KIF13A: variants seen among roughly 807,000 people sequenced by gnomAD.
KIF13A encodes the protein kinesin family member 13A.
In KIF13A, 79 loss-of-function variants were observed where a neutral mutation model predicts 212.2. The observed-to-expected ratio is 0.37, with a 90% CI of 0.31 to 0.45. The LOEUF is 0.45. Among genes scored for constraint, KIF13A ranks in the 20% least tolerant of loss-of-function variants. The pLI is 1.00. For missense variants in KIF13A, 1,901 were observed against 2,209.0 expected (o/e 0.86, Z 2.79); for synonymous variants, 789 against 808.6 (o/e 0.98, Z 0.41).
chr6:17,831,644 C>G (rs1765463287), intron 12 of KIF13A, among the ~76,000 whole-genome samples: 1 of 149,832 alleles, frequency 6.7e-6, no homozygotes, highest in South Asian at 2.2e-4. Flanking sequence ...AGAATAATTT[C>G]AACAGAAATA....
At chr6:17,930,958 C>T (rs145046054) in intron 2 of KIF13A, among the ~76,000 whole-genome samples, 3 of 152,302 alleles carry the variant, frequency 2.0e-5, no homozygotes, top group African/African-American at 4.8e-5. Context: ...AATCAACATC[C>T]GGCAGGTTCA....
At chr6:17,896,573 T>C (rs938213740) in intron 3 of KIF13A, among the ~76,000 whole-genome samples, 3 of 152,198 alleles carry the variant, frequency 2.0e-5, no homozygotes, top group Admixed American at 2.0e-4. Flanking sequence ...CCTTATGGCA[T>C]GCATATACAC....
chr6:17,976,573 C>CT (rs764968981), intron 2 of KIF13A, among the ~76,000 whole-genome samples: 1 of 152,200 alleles, frequency 6.6e-6, no homozygotes, highest in Non-Finnish European at 1.5e-5. Flanking sequence ...CCTCTCCCTC[C>CT]ACACCTCCCT....
intron 3 of KIF13A, among the ~76,000 whole-genome samples, chr6:17,876,557 T>G (rs1407409679): frequency 1.3e-5 from 2 of 152,214 alleles, no homozygotes; most frequent in African/African-American, 2.4e-5. Context: ...TAGTCCTTTT[T>G]TATGGCTCCT....
chr6:17,859,640 T>TATA (rs1562065668), intron 4 of KIF13A, among the ~76,000 whole-genome samples: 9 of 70,614 alleles, frequency 1.3e-4, no homozygotes, highest in African/African-American at 4.6e-4. Context: ...ATATATATAT[T>TATA]TTTTTTTTTT....
At chr6:17,976,662 C>CA (rs1483122089) in intron 2 of KIF13A, among the ~76,000 whole-genome samples, 1 of 152,184 alleles carries the variant, frequency 6.6e-6, no homozygotes, top group Admixed American at 6.5e-5. Flanking sequence ...TGAAGGGCTT[C>CA]TCAAGTGCCG....
chr6:17,788,672 G>A (rs145730287), intron 26 of KIF13A, among the ~76,000 whole-genome samples: 3 of 152,224 alleles, frequency 2.0e-5, no homozygotes, highest in Admixed American at 1.3e-4. Flanking sequence ...GACTTAAGAC[G>A]TTACATCAAG....
chr6:17,943,126 A>T (rs1777093326), intron 2 of KIF13A, among the ~76,000 whole-genome samples: 1 of 152,200 alleles, frequency 6.6e-6, no homozygotes, highest in Admixed American at 6.5e-5. Context: ...CTTTAGACTG[A>T]CACAAAGTAC....
At position 17,987,584 on chromosome 6, in the gene KIF13A, G is replaced by T; in HGVS notation, c.-121C>A. The T allele has an allele frequency of 2.5e-6, 1 of 400,072 alleles. No individual in the cohort carries two copies. Among genetic ancestry groups the T allele is most frequent in the Non-Finnish European group, 3.4e-6 (1 of 297,516 alleles). The allele number at this position is 400,072 out of a possible 1,614,324, so 24.8% of individuals were successfully genotyped here. A position where few individuals can be genotyped will look rare whatever the true frequency, so the allele number is the denominator to read the frequency against. On this transcript the variant is annotated 5_prime_UTR_variant, in exon 1 of 39. Coordinates refer to ENST00000259711, the MANE Select transcript of KIF13A (RefSeq NM_022113.6). This position sits in a 1 kb window ranked among gnomAD's most constrained non-coding sequence, Gnocchi z 7.7. ...AGCGCGGCCGCCGCCGCTCCGCCGTGAGCTCCGAGAGGCAGCGCCGAGGCG... is the reference window on the plus strand; with the variant it reads ...AGCGCGGCCGCCGCCGCTCCGCCGTTAGCTCCGAGAGGCAGCGCCGAGGCG...
chr6:17,881,531 T>A (rs1231929372), intron 3 of KIF13A: 3 of 420,598 alleles, frequency 7.1e-6, no homozygotes, highest in African/African-American at 6.4e-5. Flanking sequence ...ACCCTGTCTC[T>A]ACTAAATATA....
At position 17,776,410 on chromosome 6, in the gene KIF13A, T is replaced by C. The variant is rs889239987; in HGVS notation, c.4170+867A>G. 6.6e-6 allele frequency among the ~76,000 whole-genome samples: 1 copy of C among 152,232 alleles called. No individual in the cohort carries two copies. The highest frequency in any genetic ancestry group is 2.1e-4 in the South Asian group (1 of 4,836). On this transcript the variant is annotated intron_variant, in intron 34 of 38. Transcript: ENST00000259711. The surrounding 1 kb of genome is among the most constrained non-coding windows in gnomAD (Gnocchi z 4.6). ...ATTTTTATTCTCATTTAGTTCTAAA[T>C]ACATCCTAATTTCCATCATAATTTC...
chr6:17,894,215 T>G (rs944400072), intron 3 of KIF13A, among the ~76,000 whole-genome samples: 13 of 151,738 alleles, frequency 8.6e-5, no homozygotes, highest in Non-Finnish European at 1.8e-4. Flanking sequence ...TACTACAGCC[T>G]AAACTTACCG....
chr6:17,775,111 A>G, intron 34 of KIF13A, 49 bp from the exon 35 acceptor site: 1 of 1,465,508 alleles, frequency 6.8e-7, no homozygotes, highest in Non-Finnish European at 9.3e-7. Flanking sequence ...ATTTAATATA[A>G]GGGGTTTTTT....
intron 2 of KIF13A, among the ~76,000 whole-genome samples, chr6:17,960,588 T>C (rs1263172253): frequency 6.6e-6 from 1 of 152,104 alleles, no homozygotes; most frequent in African/African-American, 2.4e-5. Context: ...ATAGTTGGGG[T>C]TGGGGTACAG....
chr6:17,985,555 G>A (rs1208054858), intron 2 of KIF13A, among the ~76,000 whole-genome samples: 1 of 144,088 alleles, frequency 6.9e-6, no homozygotes, highest in East Asian at 2.1e-4. Context: ...GAGCTAAAAA[G>A]TATTCTACCT....
At position 17,963,385 on chromosome 6, in the gene KIF13A, T is replaced by C. The variant is rs1313234635; in HGVS notation, c.146+23669A>G. On this transcript the variant is annotated intron_variant, in intron 2 of 38. Coordinates refer to ENST00000259711, the MANE Select transcript of KIF13A (RefSeq NM_022113.6). This position sits in a 1 kb window ranked among gnomAD's most constrained non-coding sequence, Gnocchi z 4.1. ...GTGAGCTAAGATCGTGCCGTTGCAC[T>C]CTAGCCTGGGCAACAAGAGCAAAAC... 1.3e-5 allele frequency among the ~76,000 whole-genome samples: 2 copies of C among 152,130 alleles called. No homozygotes were observed. The highest frequency in any genetic ancestry group is 2.9e-5 in the Non-Finnish European group (2 of 68,020).
chr6:17,967,632 C>G lies in KIF13A; in HGVS notation c.146+19422G>C, dbSNP rs1779442222. ...GATGCCCCCACACACAGACTGCTAT[C>G]AGCAACAACTTTGTATAAGCTGCTC... On this transcript the variant is annotated intron_variant, in intron 2 of 38. Coordinates refer to ENST00000259711, the MANE Select transcript of KIF13A (RefSeq NM_022113.6). This position sits in a 1 kb window ranked among gnomAD's most constrained non-coding sequence, Gnocchi z 4.1. Among the ~76,000 whole-genome samples the G allele has an allele frequency of 6.6e-6, 1 of 152,170 alleles. No homozygotes were observed. Among genetic ancestry groups the G allele is most frequent in the South Asian group, 2.1e-4 (1 of 4,830 alleles).
chr6:17,849,625 A>T lies in KIF13A; in HGVS notation c.718-136T>A, dbSNP rs1296049821. On this transcript the variant is annotated intron_variant, in intron 8 of 38. Transcript: ENST00000259711. The surrounding 1 kb of genome is among the most constrained non-coding windows in gnomAD (Gnocchi z 5.7). ...AAATTTCTTAAGTTTTTAAACGGTC[A>T]GAAGAGTTATTTGAACCAGCAATTA... 1.2e-5 allele frequency: 7 copies of T among 574,218 alleles called. No homozygotes were observed. In the Admixed American group the frequency reaches 2.5e-4, roughly 20 times the overall value. 35.6% of individuals were successfully genotyped at this position (574,218 alleles called of 1,614,324 possible).
rs930246761 is a variant in KIF13A, at chr6:17,985,778, T to C, written c.146+1276A>G. 2.6e-5 allele frequency among the ~76,000 whole-genome samples: 4 copies of C among 152,078 alleles called. No homozygotes were observed. The East Asian group carries it at 7.7e-4, about 29-fold the overall frequency. ...TGCTATAAATGCATCTAAAAATACA[T>C]CCATTACTAGACAACATTCAGTACA... On this transcript the variant is annotated intron_variant, in intron 2 of 38. Coordinates refer to ENST00000259711, the MANE Select transcript of KIF13A (RefSeq NM_022113.6).
Sources: gnomAD v4.1 joint callset for allele counts (sites outside exome capture counted in the v4.1 genomes callset) on GRCh38, gnomAD v4.1.1 for gene constraint, Gnocchi (gnomAD v3.1) non-coding constraint, MANE v1.5 for transcripts, NCBI Gene and HGNC (gene_info 2026-07-23, HGNC 2026-07-21) for gene names.